Variants in UNC5D observed in about 807,000 individuals in gnomAD.
The protein encoded by UNC5D is unc-5 netrin receptor D, also known as netrin receptor UNC5D.
Under a neutral mutation model 105.4 loss-of-function variants are expected in UNC5D, and 39 were observed. The ratio of observed to expected loss-of-function variants is 0.37; its 90% confidence interval spans 0.29 to 0.48. UNC5D has a LOEUF of 0.48. Ranked by LOEUF, UNC5D falls within the 20% of genes least tolerant of loss-of-function variation. UNC5D has a pLI of 0.98. For synonymous variants in UNC5D, 452 were observed against 450.4 expected (o/e 1.00, Z -0.04); for missense variants, 991 against 1,202.4 (o/e 0.82, Z 2.60).
intron 15 of UNC5D, among the ~76,000 whole-genome samples, chr8:35,768,724 A>T (rs1288757230): frequency 6.6e-6 from 1 of 152,230 alleles, no homozygotes; most frequent in Non-Finnish European, 1.5e-5. Context: ...AAATTAGCTA[A>T]TAAACACAAC....
At chr8:35,555,062 T>C (rs565454246) in intron 2 of UNC5D, among the ~76,000 whole-genome samples, 1 of 152,320 alleles carries the variant, frequency 6.6e-6, no homozygotes, top group Non-Finnish European at 1.5e-5. Context: ...AACCATTAAT[T>C]TGAAAGTATC....
At chr8:35,562,706 C>T (rs979882657) in intron 2 of UNC5D, among the ~76,000 whole-genome samples, 3 of 151,814 alleles carry the variant, frequency 2.0e-5, no homozygotes, top group African/African-American at 4.8e-5. Context: ...CTCATATGTT[C>T]GGTTATTAAT....
At chr8:35,603,322 GGTT>G (rs1820028063) in intron 4 of UNC5D, among the ~76,000 whole-genome samples, 1 of 152,094 alleles carries the variant, frequency 6.6e-6, no homozygotes, top group Non-Finnish European at 1.5e-5. Context: ...TTCAGGAGCA[GGTT>G]GTTCAGTTTC....
intron 1 of UNC5D, among the ~76,000 whole-genome samples, chr8:35,314,700 G>A (rs1383291615): frequency 2.0e-5 from 3 of 152,098 alleles, no homozygotes. Flanking sequence ...ACTCTTGTTG[G>A]TTCTATGGGG....
chr8:35,549,628 T>A (rs2130688400), intron 2 of UNC5D, 118 bp downstream of exon 2: 1 of 909,896 alleles, frequency 1.1e-6, no homozygotes, highest in East Asian at 2.7e-5. Flanking sequence ...AGGTCATAGT[T>A]ACATCACTCC....
At chr8:35,623,231 G>A (rs1821469240) in intron 4 of UNC5D, among the ~76,000 whole-genome samples, 1 of 152,044 alleles carries the variant, frequency 6.6e-6, no homozygotes, top group South Asian at 2.1e-4. Context: ...CCAAGCCTGG[G>A]GAGGACTTGG....
chr8:35,469,516 C>T (rs574043225), intron 1 of UNC5D, among the ~76,000 whole-genome samples: 11 of 152,200 alleles, frequency 7.2e-5, no homozygotes, highest in African/African-American at 2.6e-4. Flanking sequence ...GGGAAAGGGA[C>T]CGTATAGCCT....
rs1823714824 is a variant in UNC5D at position 35,656,080 on chromosome 8, GTTC to G, written c.571-27461_571-27459del. Reference sequence around the variant, plus strand: ...GCCTCCCTCCCTCAAGAGTCACCCTGTTCTTCTTTATTTGGGAGAGATAGGATC... The same window carrying G: ...GCCTCCCTCCCTCAAGAGTCACCCTGTTCTTTATTTGGGAGAGATAGGATC... On this transcript the variant is annotated intron_variant, in intron 4 of 16. Transcript: ENST00000404895. Among the ~76,000 whole-genome samples the G allele has an allele frequency of 3.3e-5, 5 of 152,248 alleles. No individual in the cohort carries two copies. In the South Asian group the frequency reaches 6.2e-4, roughly 19 times the overall value.
intron 4 of UNC5D, among the ~76,000 whole-genome samples, chr8:35,658,310 T>C (rs1823896894): frequency 6.6e-6 from 1 of 152,184 alleles, no homozygotes; most frequent in Non-Finnish European, 1.5e-5. Context: ...CAATTTATTA[T>C]AGATATGTCA....
At chr8:35,277,020 A>G (rs1332221656) in intron 1 of UNC5D, among the ~76,000 whole-genome samples, 1 of 152,180 alleles carries the variant, frequency 6.6e-6, no homozygotes, top group African/African-American at 2.4e-5. Context: ...GTTAATCACT[A>G]ATGTCTTTAG....
chr8:35,687,229 G>A (rs113527322), intron 7 of UNC5D, among the ~76,000 whole-genome samples: 1 of 152,152 alleles, frequency 6.6e-6, no homozygotes, highest in African/African-American at 2.4e-5. Context: ...GGATCGCGAG[G>A]TCAGGAGATC....
chr8:35,318,350 C>G (rs931460017), intron 1 of UNC5D, among the ~76,000 whole-genome samples: 2 of 152,140 alleles, frequency 1.3e-5, no homozygotes, highest in East Asian at 3.9e-4. Context: ...CATATTATGT[C>G]TCTTGTAAGC....
chr8:35,444,097 C>CT (rs1378335624), intron 1 of UNC5D, among the ~76,000 whole-genome samples: 1 of 151,866 alleles, frequency 6.6e-6, no homozygotes, highest in Non-Finnish European at 1.5e-5. Flanking sequence ...TTGGGGGAAC[C>CT]TTTTTTTCAC....
At chr8:35,389,537 G>C (rs1341022401) in intron 1 of UNC5D, among the ~76,000 whole-genome samples, 1 of 152,034 alleles carries the variant, frequency 6.6e-6, no homozygotes, top group East Asian at 1.9e-4. Flanking sequence ...GTTGAACCTA[G>C]ATCTCCCCAC....
In UNC5D at chr8:35,790,843, A is replaced by G. The variant is rs1449532649; in HGVS notation, c.*280A>G. The G allele has an allele frequency of 2.2e-6, 1 of 463,558 alleles. No individual in the cohort carries two copies. Among genetic ancestry groups the G allele is most frequent in the Non-Finnish European group, 3.9e-6 (1 of 256,486 alleles). 28.7% of individuals were successfully genotyped at this position (463,558 alleles called of 1,614,324 possible). ...GTGGCAAGGATAAAAGTGAGGGCAG[A>G]AGTAGCTGTGGGAAAAGATGAGCTA... On this transcript the variant is annotated 3_prime_UTR_variant, in exon 17 of 17. Transcript: ENST00000404895.
chr8:35,683,523 G>T (rs771650657), intron 4 of UNC5D, 24 bp from the exon 5 acceptor site: 1 of 1,551,736 alleles, frequency 6.4e-7, no homozygotes, highest in East Asian at 2.4e-5. Flanking sequence ...TTAGTGACTT[G>T]TAAACATTCC....
intron 1 of UNC5D, among the ~76,000 whole-genome samples, chr8:35,467,134 A>G (rs1206194866): frequency 6.6e-6 from 1 of 152,190 alleles, no homozygotes; most frequent in South Asian, 2.1e-4. Context: ...GCAGGTTTTG[A>G]GTGTGTAAGT....
chr8:35,441,808 C>A (rs749657679), intron 1 of UNC5D, among the ~76,000 whole-genome samples: 1 of 151,158 alleles, frequency 6.6e-6, no homozygotes, highest in Non-Finnish European at 1.5e-5. Flanking sequence ...GGAGAATCAG[C>A]GCCATATGCA....
intron 4 of UNC5D, among the ~76,000 whole-genome samples, chr8:35,620,772 C>T (rs1243778899): frequency 6.6e-6 from 1 of 152,116 alleles, no homozygotes; most frequent in Non-Finnish European, 1.5e-5. Flanking sequence ...CCTGAGTTTC[C>T]TAGTTTCTGT....
Sources: allele counts gnomAD v4.1 joint callset (sites outside exome capture counted in the v4.1 genomes callset), GRCh38; gene constraint gnomAD v4.1.1; transcripts MANE v1.5; gene names NCBI Gene and HGNC (gene_info 2026-07-23, HGNC 2026-07-21).